Variants in ATP8A2 observed in about 807,000 individuals in gnomAD.
ATP8A2 encodes the protein ATPase phospholipid transporting 8A2, also known as phospholipid-transporting ATPase IB.
In ATP8A2, 100 loss-of-function variants were observed where a neutral mutation model predicts 165.6. That is an observed-to-expected ratio of 0.60 (90% CI 0.51 to 0.71). ATP8A2 has a LOEUF of 0.71. Among genes scored for constraint, ATP8A2 ranks in the 30% least tolerant of loss-of-function variants. The pLI, the probability that ATP8A2 is intolerant of heterozygous loss-of-function variation, is 0.00. For synonymous variants in ATP8A2, 543 were observed against 548.8 expected (o/e 0.99, Z 0.15); for missense variants, 1,227 against 1,479.5 (o/e 0.83, Z 2.80).
chr13:25,645,933 T>C (rs951615556), intron 24 of ATP8A2, among the ~76,000 whole-genome samples: 1 of 152,206 alleles, frequency 6.6e-6, no homozygotes, highest in Non-Finnish European at 1.5e-5. Flanking sequence ...TTAAGTCCAT[T>C]AGGTTTAAAG....
chr13:25,965,997 A>G (rs925228645), intron 34 of ATP8A2, among the ~76,000 whole-genome samples: 11 of 150,592 alleles, frequency 7.3e-5, no homozygotes, highest in African/African-American at 2.4e-4. Context: ...CTGTTCTTGC[A>G]TACAAAAGAA....
At chr13:25,885,365 G>T (rs142119951) in intron 33 of ATP8A2, among the ~76,000 whole-genome samples, 1,684 of 151,928 alleles carry the variant, frequency 0.011, 25 homozygotes, top group African/African-American at 0.035. Context: ...CATCTGCCTC[G>T]GCCTCCCAAA....
intron 24 of ATP8A2, among the ~76,000 whole-genome samples, chr13:25,600,468 T>A (rs2081231018): frequency 2.6e-5 from 4 of 152,078 alleles, no homozygotes; most frequent in African/African-American, 9.7e-5. Context: ...GTGTAAAGAT[T>A]TAAAATAGGA....
chr13:25,387,829 C>T (rs1254013804), intron 1 of ATP8A2, among the ~76,000 whole-genome samples: 1 of 151,998 alleles, frequency 6.6e-6, no homozygotes, highest in Admixed American at 6.6e-5. Flanking sequence ...TTTGGGAGGG[C>T]AGGGTAGGTG....
At chr13:25,583,850 TA>T (rs5802341) in intron 23 of ATP8A2, among the ~76,000 whole-genome samples, 78,217 of 152,036 alleles carry the variant, frequency 0.51, 23,601 homozygotes, top group Non-Finnish European at 0.7. Context: ...GTGGGTGTAG[TA>T]ACGTGTAGTG....
In ATP8A2 at chr13:25,750,220, G is replaced by A. The variant is rs2044124738; in HGVS notation, c.2385-18826G>A. Among the ~76,000 whole-genome samples, 2 of 152,174 alleles carry A rather than the reference G, an allele frequency of 1.3e-5. No individual in the cohort carries two copies. The highest frequency in any genetic ancestry group is 4.8e-5 in the African/African-American group (2 of 41,450). On this transcript the variant is annotated intron_variant, in intron 25 of 36. Transcript: ENST00000381655. The surrounding 1 kb of genome is among the most constrained non-coding windows in gnomAD (Gnocchi z 4.3). The stretch of plus-strand genomic sequence containing the variant: ...CAGTTCGTGTGGAAGACAGGCCGGT[G>A]TCCAGAAAGCAGCTCCTGACCCAGG...
chr13:25,575,072 G>A (rs1252604887), intron 19 of ATP8A2, among the ~76,000 whole-genome samples: 1 of 152,152 alleles, frequency 6.6e-6, no homozygotes, highest in Non-Finnish European at 1.5e-5. Context: ...CAAGAGAAAT[G>A]CTCTACTTCC....
In ATP8A2 at chr13:25,935,344, G is replaced by C. The variant is rs535379632; in HGVS notation, c.3184-26231G>C. Among the ~76,000 whole-genome samples, 4 of 152,290 alleles carry C rather than the reference G, an allele frequency of 2.6e-5. No homozygotes were observed. The East Asian group carries it at 7.7e-4, about 29-fold the overall frequency. The stretch of plus-strand genomic sequence containing the variant: ...CCATTGTCAGACTTGAATGAGTTTA[G>C]TCAACTTCCCCTGCTGGGCAGTTGA... On this transcript the variant is annotated intron_variant, in intron 33 of 36. Coordinates refer to ENST00000381655, the MANE Select transcript of ATP8A2 (RefSeq NM_016529.6).
intron 32 of ATP8A2, 57 bp downstream of exon 32, chr13:25,860,917 T>C (rs1952329777): frequency 8.1e-7 from 1 of 1,235,034 alleles, no homozygotes; most frequent in Non-Finnish European, 1.2e-6. Context: ...CATGCTAGGA[T>C]TTCTTTTTAA....
intron 1 of ATP8A2, 144 bp from the exon 2 acceptor site, chr13:25,468,833 G>A: frequency 7.5e-7 from 1 of 1,329,292 alleles, no homozygotes; most frequent in Non-Finnish European, 9.6e-7. Context: ...TCTCCAGGGG[G>A]AGCCAAGGTA....
chr13:25,885,078 T>TGA (rs1953102329), intron 33 of ATP8A2, among the ~76,000 whole-genome samples: 1 of 150,494 alleles, frequency 6.6e-6, no homozygotes, highest in Non-Finnish European at 1.5e-5. Flanking sequence ...CTCTCCAGCC[T>TGA]GAGAGTCAGT....
chr13:25,632,783 C>T (rs1201014196), intron 24 of ATP8A2, among the ~76,000 whole-genome samples: 2 of 152,098 alleles, frequency 1.3e-5, no homozygotes. Context: ...TGACAGTCTG[C>T]GTCTTCTGTG....
intron 33 of ATP8A2, among the ~76,000 whole-genome samples, chr13:25,902,056 G>T (rs953543292): frequency 5.3e-5 from 8 of 151,888 alleles, no homozygotes; most frequent in African/African-American, 1.9e-4. Context: ...TTATAGAAAA[G>T]GATAACAAAA....
At chr13:25,594,884 A>C (rs534754629) in intron 24 of ATP8A2, among the ~76,000 whole-genome samples, 7 of 152,050 alleles carry the variant, frequency 4.6e-5, no homozygotes, top group Non-Finnish European at 1.0e-4. Context: ...ACTTGCACAC[A>C]CATGTTTATA....
intron 25 of ATP8A2, among the ~76,000 whole-genome samples, chr13:25,700,442 C>G (rs567445102): frequency 2.0e-5 from 3 of 152,254 alleles, no homozygotes; most frequent in South Asian, 2.1e-4. Context: ...GCCTTCACCC[C>G]CATCCCAAAC....
intron 33 of ATP8A2, among the ~76,000 whole-genome samples, chr13:25,955,406 A>G (rs928784082): frequency 1.3e-5 from 2 of 152,244 alleles, no homozygotes; most frequent in Non-Finnish European, 1.5e-5. Context: ...AAAAGAGAGA[A>G]GAATCAAATA....
At chr13:25,408,564 A>G (rs1451122685) in intron 1 of ATP8A2, among the ~76,000 whole-genome samples, 2 of 152,126 alleles carry the variant, frequency 1.3e-5, no homozygotes, top group East Asian at 3.8e-4. Flanking sequence ...CTGTCAGTGG[A>G]TGTTTATTCG....
At chr13:25,757,722 A>G (rs950776265) in intron 25 of ATP8A2, among the ~76,000 whole-genome samples, 2 of 152,150 alleles carry the variant, frequency 1.3e-5, no homozygotes, top group Admixed American at 1.3e-4. Context: ...TTTCTCAGTC[A>G]GCTGAGAGCC....
intron 15 of ATP8A2, among the ~76,000 whole-genome samples, chr13:25,561,595 G>A (rs1163046425): frequency 2.6e-5 from 4 of 151,384 alleles, no homozygotes; most frequent in Non-Finnish European, 5.9e-5. Flanking sequence ...CATTGGCTGT[G>A]TGCTCATATA....
Sources: gnomAD v4.1 joint callset for allele counts (sites outside exome capture counted in the v4.1 genomes callset) on GRCh38, gnomAD v4.1.1 for gene constraint, Gnocchi (gnomAD v3.1) non-coding constraint, MANE v1.5 for transcripts, NCBI Gene and HGNC (gene_info 2026-07-23, HGNC 2026-07-21) for gene names.